UNC5D: variants seen among roughly 807,000 people sequenced by gnomAD.
UNC5D encodes the protein netrin receptor UNC5D.
In UNC5D, 39 loss-of-function variants were observed where a neutral mutation model predicts 105.4. The observed-to-expected ratio is 0.37, with a 90% CI of 0.29 to 0.48. The LOEUF (loss-of-function observed/expected upper bound fraction) is 0.48. UNC5D is among the 20% of genes least tolerant of loss of function. The probability of loss-of-function intolerance (pLI) is 0.98; values close to 1 mark genes in which losing one functional copy is unlikely to be tolerated. For synonymous variants in UNC5D, 452 were observed against 450.4 expected, an observed-to-expected ratio of 1.00 and a Z score of -0.04; for missense variants, 991 against 1,202.4, an observed-to-expected ratio of 0.82 and a Z score of 2.60.
At chr8:35,465,763 A>G (rs1809259683) in intron 1 of UNC5D, among the ~76,000 whole-genome samples, 1 of 152,166 alleles carries the variant, frequency 6.6e-6, no homozygotes, top group African/African-American at 2.4e-5. Context: ...TAAAATAGGA[A>G]GAGGATCTGG....
intron 8 of UNC5D, among the ~76,000 whole-genome samples, chr8:35,719,141 TACACACACACACAC>T (rs57660135): frequency 0.015 from 1,959 of 133,168 alleles, 41 homozygotes; most frequent in Admixed American, 0.053. Flanking sequence ...CATGTGCTTA[TACACACACACACAC>T]ACACACACAC....
intron 1 of UNC5D, among the ~76,000 whole-genome samples, chr8:35,465,397 A>G (rs1809230315): frequency 6.6e-6 from 1 of 150,754 alleles, no homozygotes; most frequent in Non-Finnish European, 1.5e-5. Context: ...CCTCAAAAGA[A>G]TATTGTATGC....
intron 1 of UNC5D, chr8:35,544,332 T>A: frequency 6.6e-7 from 1 of 1,507,150 alleles, no homozygotes; most frequent in Non-Finnish European, 8.9e-7. Flanking sequence ...AGAAGGAAGA[T>A]GCAGCTGTAT....
intron 1 of UNC5D, among the ~76,000 whole-genome samples, chr8:35,538,398 TATATATATA>T (rs1563513969): frequency 0.014 from 273 of 19,148 alleles, 4 homozygotes; most frequent in African/African-American, 0.037. Context: ...AAAATAATTA[TATATATATA>T]TATATATATA....
In UNC5D at chr8:35,702,466, C is replaced by T. The variant is rs187518601; in HGVS notation, c.1085-3463C>T. On this transcript the variant is annotated intron_variant, in intron 7 of 16. Transcript: ENST00000404895. The stretch of plus-strand genomic sequence containing the variant: ...AGCCAACACCACTAAGCCAACACCA[C>T]CACCAAGAACCATGGCCCTAATGGA... 1.6e-4 allele frequency among the ~76,000 whole-genome samples: 25 copies of T among 152,178 alleles called. 1 individual carries two copies. The highest frequency in any genetic ancestry group is 1.5e-3 in the East Asian group (8 of 5,164).
chr8:35,772,006 C>A (rs1054400756), intron 15 of UNC5D, among the ~76,000 whole-genome samples: 5 of 151,672 alleles, frequency 3.3e-5, no homozygotes, highest in Non-Finnish European at 7.4e-5. Flanking sequence ...GAGATTTACT[C>A]CAAAGTGAGG....
chr8:35,405,691 C>CT (rs949151779), intron 1 of UNC5D, among the ~76,000 whole-genome samples: 2 of 151,830 alleles, frequency 1.3e-5, no homozygotes, highest in African/African-American at 2.4e-5. Flanking sequence ...CTATTCACAA[C>CT]TTTTTTTTAC....
At chr8:35,480,497 T>C (rs1001187998) in intron 1 of UNC5D, among the ~76,000 whole-genome samples, 1 of 152,168 alleles carries the variant, frequency 6.6e-6, no homozygotes, top group African/African-American at 2.4e-5. Flanking sequence ...TTATGAGTTT[T>C]CCTGGCAGAA....
At chr8:35,628,429 C>T (rs925736640) in intron 4 of UNC5D, among the ~76,000 whole-genome samples, 2 of 152,142 alleles carry the variant, frequency 1.3e-5, no homozygotes, top group African/African-American at 4.8e-5. Context: ...CCACTGTGCC[C>T]AGCCCAGAAA....
chr8:35,305,707 C>G (rs2128874605), intron 1 of UNC5D, among the ~76,000 whole-genome samples: 1 of 144,830 alleles, frequency 6.9e-6, no homozygotes, highest in South Asian at 2.2e-4. Context: ...CCCTCCCTGC[C>G]TGACTCCCTC....
At chr8:35,693,922 G>A (rs757401621) in intron 7 of UNC5D, among the ~76,000 whole-genome samples, 11 of 152,016 alleles carry the variant, frequency 7.2e-5, no homozygotes, top group Non-Finnish European at 1.5e-4. Context: ...CTGTAAGTAA[G>A]GGCCCTAAAA....
At chr8:35,349,965 T>C (rs7817194) in intron 1 of UNC5D, among the ~76,000 whole-genome samples, 80,698 of 151,732 alleles carry the variant, frequency 0.53, 22,214 homozygotes, top group East Asian at 0.7. Flanking sequence ...CGGTTGTGTC[T>C]ACATTGAATT....
chr8:35,665,919 A>G (rs1242603391), intron 4 of UNC5D, among the ~76,000 whole-genome samples: 5 of 151,986 alleles, frequency 3.3e-5, no homozygotes, highest in African/African-American at 1.2e-4. Context: ...ATTTTTCACA[A>G]AATAAAGAAT....
chr8:35,380,689 A>C (rs1802991627), intron 1 of UNC5D, among the ~76,000 whole-genome samples: 1 of 152,226 alleles, frequency 6.6e-6, no homozygotes, highest in African/African-American at 2.4e-5. Flanking sequence ...CAGTAAAATT[A>C]GAATTTAGAT....
intron 16 of UNC5D, among the ~76,000 whole-genome samples, chr8:35,781,782 AAC>A (rs2131775887): frequency 6.6e-6 from 1 of 152,342 alleles, no homozygotes; most frequent in South Asian, 2.1e-4. Flanking sequence ...GAGAATTGAA[AAC>A]AGGGACTATA....
intron 3 of UNC5D, among the ~76,000 whole-genome samples, chr8:35,593,176 A>G (rs1819285079): frequency 6.6e-6 from 1 of 152,146 alleles, no homozygotes. Flanking sequence ...GAGAAAAAAA[A>G]TGACATTTCT....
chr8:35,537,685 A>G (rs1215857979), intron 1 of UNC5D, among the ~76,000 whole-genome samples: 2 of 151,136 alleles, frequency 1.3e-5, no homozygotes, highest in Admixed American at 1.3e-4. Context: ...ATAAATAAAT[A>G]AAATAAGTAA....
At chr8:35,557,067 G>A (rs1236467993) in intron 2 of UNC5D, among the ~76,000 whole-genome samples, 2 of 152,212 alleles carry the variant, frequency 1.3e-5, no homozygotes, top group African/African-American at 2.4e-5. Context: ...TCATGACCAT[G>A]TTGCCCACCA....
chr8:35,282,708 G>GATAAA (rs1290288082), intron 1 of UNC5D, among the ~76,000 whole-genome samples: 10 of 25,118 alleles, frequency 4.0e-4, no homozygotes, highest in Non-Finnish European at 7.6e-4. Context: ...GTTATTAAAA[G>GATAAA]ACAAAAAAAA....
Sources: gnomAD v4.1 joint callset for allele counts (sites outside exome capture counted in the v4.1 genomes callset) on GRCh38, gnomAD v4.1.1 for gene constraint, MANE v1.5 for transcripts, NCBI Gene and HGNC (gene_info 2026-07-23, HGNC 2026-07-21) for gene names.